SPOCK3: variants seen among roughly 807,000 people sequenced by gnomAD.
SPOCK3 encodes testican-3.
Under a neutral mutation model 56.6 loss-of-function variants are expected in SPOCK3, and 30 were observed. That is an observed-to-expected ratio of 0.53 (90% CI 0.40 to 0.72). The LOEUF (loss-of-function observed/expected upper bound fraction) is 0.72, where lower values mean the gene tolerates loss of function less well. SPOCK3 is among the 30% of genes least tolerant of loss of function. The pLI is 0.00. For missense variants in SPOCK3, 527 were observed against 530.0 expected (o/e 0.99, Z 0.06); for synonymous variants, 196 against 183.3 (o/e 1.07, Z -0.56).
chr4:167,100,154 CAATA>C, intron 2 of SPOCK3, among the ~76,000 whole-genome samples: 1 of 152,174 alleles, frequency 6.6e-6, no homozygotes, highest in South Asian at 2.1e-4. Context: ...TTATTTCCAT[CAATA>C]AATAAAGCAA....
At chr4:166,822,755 A>G (rs1045828864) in intron 6 of SPOCK3, among the ~76,000 whole-genome samples, 1 of 152,038 alleles carries the variant, frequency 6.6e-6, no homozygotes, top group Non-Finnish European at 1.5e-5. Context: ...TGTTCAGTCC[A>G]TCTAGAAAAA....
At chr4:167,022,799 C>T (rs1482866053) in intron 3 of SPOCK3, among the ~76,000 whole-genome samples, 3 of 151,866 alleles carry the variant, frequency 2.0e-5, no homozygotes, top group Admixed American at 6.6e-5. Context: ...ATATGCTGGC[C>T]AGCTGGTTAT....
At chr4:167,058,312 C>T (rs1011366589) in intron 3 of SPOCK3, among the ~76,000 whole-genome samples, 4 of 151,968 alleles carry the variant, frequency 2.6e-5, no homozygotes, top group Admixed American at 1.3e-4. Context: ...TCTCAGGATA[C>T]AAAATCAATG....
At chr4:167,004,294 TG>T (rs1289520994) in intron 3 of SPOCK3, among the ~76,000 whole-genome samples, 1 of 152,064 alleles carries the variant, frequency 6.6e-6, no homozygotes, top group Non-Finnish European at 1.5e-5. Flanking sequence ...ACCCACCAAG[TG>T]CACAAAATGA....
intron 7 of SPOCK3, among the ~76,000 whole-genome samples, chr4:166,780,097 A>C (rs917904427): frequency 4.6e-5 from 7 of 152,160 alleles, no homozygotes; most frequent in Admixed American, 1.3e-4. Flanking sequence ...AAACAATAAG[A>C]AAAGTCTGAG....
At chr4:166,849,880 A>AGAT (rs1748498004) in intron 6 of SPOCK3, among the ~76,000 whole-genome samples, 1 of 152,178 alleles carries the variant, frequency 6.6e-6, no homozygotes, top group South Asian at 2.1e-4. Context: ...TAATGCCCTG[A>AGAT]GGTTCATCCA....
chr4:167,122,642 G>A (rs1761962801), intron 2 of SPOCK3, among the ~76,000 whole-genome samples: 1 of 152,102 alleles, frequency 6.6e-6, no homozygotes, highest in Non-Finnish European at 1.5e-5. Flanking sequence ...ACAGACATAT[G>A]TTTATACATA....
chr4:167,035,222 C>G (rs76674652), intron 3 of SPOCK3, among the ~76,000 whole-genome samples: 1,951 of 152,170 alleles, frequency 0.013, 21 homozygotes, highest in Non-Finnish European at 0.019. Context: ...CTGAATGACT[C>G]AAGAGACCTG....
chr4:166,959,439 C>T (rs1196251752), intron 4 of SPOCK3, among the ~76,000 whole-genome samples: 4 of 151,764 alleles, frequency 2.6e-5, no homozygotes. Context: ...ATAGCGAAAC[C>T]CCATCTCTAC....
chr4:167,198,589 T>C (rs1733195705), intron 2 of SPOCK3, among the ~76,000 whole-genome samples: 1 of 152,194 alleles, frequency 6.6e-6, no homozygotes, highest in Non-Finnish European at 1.5e-5. Context: ...CTCATAATAA[T>C]TTAAAAAATT....
intron 2 of SPOCK3, among the ~76,000 whole-genome samples, chr4:167,123,517 G>A (rs1238246636): frequency 6.6e-6 from 1 of 151,432 alleles, no homozygotes; most frequent in Non-Finnish European, 1.5e-5. Context: ...CTACACTCCT[G>A]GCTGGATTCA....
chr4:167,060,312 A>G (rs578026801), intron 3 of SPOCK3, among the ~76,000 whole-genome samples: 152 of 151,660 alleles, frequency 1.0e-3, no homozygotes, highest in Non-Finnish European at 1.7e-3. Flanking sequence ...AAAAGAAAAA[A>G]CAAACAAAAA....
intron 6 of SPOCK3, among the ~76,000 whole-genome samples, chr4:166,834,556 C>G (rs186870689): frequency 6.6e-6 from 1 of 152,296 alleles, no homozygotes; most frequent in African/African-American, 2.4e-5. Flanking sequence ...CAAGGAGAAG[C>G]CCAAGTCTGC....
At chr4:167,171,174 T>TGAG (rs1289191016) in intron 2 of SPOCK3, among the ~76,000 whole-genome samples, 2 of 152,088 alleles carry the variant, frequency 1.3e-5, no homozygotes, top group Non-Finnish European at 2.9e-5. Flanking sequence ...AAGCAATAAA[T>TGAG]GAGGAAAGAA....
chr4:167,111,737 T>C (rs993729023), intron 2 of SPOCK3, among the ~76,000 whole-genome samples: 2 of 151,666 alleles, frequency 1.3e-5, no homozygotes, highest in Admixed American at 1.3e-4. Context: ...CTATAAAAGA[T>C]AGTGCCACTA....
chr4:167,092,615 A>G (rs1218433723), intron 2 of SPOCK3, among the ~76,000 whole-genome samples: 2 of 152,204 alleles, frequency 1.3e-5, no homozygotes, highest in Non-Finnish European at 2.9e-5. Context: ...TATCCGAAAT[A>G]TGAATTTTAG....
chr4:166,901,862 C>G (rs532764295), intron 5 of SPOCK3, among the ~76,000 whole-genome samples: 15 of 152,194 alleles, frequency 9.9e-5, no homozygotes, highest in African/African-American at 3.6e-4. Context: ...TTAGAGTTCC[C>G]TTGATGATAT....
chr4:167,095,237 C>G (rs534964104), intron 2 of SPOCK3, among the ~76,000 whole-genome samples: 227 of 152,218 alleles, frequency 1.5e-3, no homozygotes, highest in African/African-American at 5.4e-3. Flanking sequence ...GTCAAGCTGA[C>G]ACATAAAATG....
At chr4:166,904,639 A>T (rs185539931) in intron 5 of SPOCK3, among the ~76,000 whole-genome samples, 100 of 152,158 alleles carry the variant, frequency 6.6e-4, no homozygotes, top group African/African-American at 2.3e-3. Flanking sequence ...TCTCACTCAT[A>T]TGTGGGATTT....
Sources: gnomAD v4.1 joint callset for allele counts (sites outside exome capture counted in the v4.1 genomes callset) on GRCh38, gnomAD v4.1.1 for gene constraint, MANE v1.5 for transcripts, NCBI Gene and HGNC (gene_info 2026-07-23, HGNC 2026-07-21) for gene names.